Variants in EFS observed in about 807,000 individuals in gnomAD.
EFS encodes the protein Cas scaffolding protein family member 3.
In EFS, 34 loss-of-function variants were observed where a neutral mutation model predicts 42.2. That is an observed-to-expected ratio of 0.81 (90% CI 0.61 to 1.07). The LOEUF (loss-of-function observed/expected upper bound fraction) is 1.07, where lower values mean the gene tolerates loss of function less well. Ranked by LOEUF, EFS falls within the 50% of genes least tolerant of loss-of-function variation. The probability of loss-of-function intolerance (pLI) is 0.00; values close to 1 mark genes in which losing one functional copy is unlikely to be tolerated. For synonymous variants in EFS, 299 were observed against 320.7 expected, an observed-to-expected ratio of 0.93 and a Z score of 0.72; for missense variants, 717 against 729.4, an observed-to-expected ratio of 0.98 and a Z score of 0.20.
chr14:23,365,046 C>T lies in EFS; in HGVS notation c.-21G>A. On this transcript the variant is annotated 5_prime_UTR_variant, in exon 1 of 6. Coordinates refer to ENST00000216733, the MANE Select transcript of EFS (RefSeq NM_005864.4). This position sits in a 1 kb window ranked among gnomAD's most constrained non-coding sequence, Gnocchi z 5.3. The stretch of plus-strand genomic sequence containing the variant: ...GCCATGGCTTTGGCCTCCCGCGCAG[C>T]CTGCCTCAGGCCAGGCTCGGTTTTG... The T allele has an allele frequency of 7.6e-7, 1 of 1,319,432 alleles. No individual in the cohort carries two copies. Among genetic ancestry groups the T allele is most frequent in the Non-Finnish European group, 9.8e-7 (1 of 1,024,334 alleles). 81.7% of individuals were successfully genotyped at this position (1,319,432 alleles called of 1,614,324 possible).
At chr14:23,364,217 T>C (rs1890246950) in intron 1 of EFS, among the ~76,000 whole-genome samples, 1 of 152,198 alleles carries the variant, frequency 6.6e-6, no homozygotes, top group African/African-American at 2.4e-5. Flanking sequence ...CTCCCGGTGT[T>C]AGGACTGAGT....
At chr14:23,363,070 C>T (rs1449786337) in intron 1 of EFS, among the ~76,000 whole-genome samples, 4 of 152,090 alleles carry the variant, frequency 2.6e-5, no homozygotes, top group Admixed American at 1.3e-4. Context: ...CCCACCACCA[C>T]GCCCGGCTAA....
chr14:23,359,671 AG>A lies in EFS; in HGVS notation c.806del (p.Pro269LeufsTer118). ...GPEAPPSPEPPGALASHDQDT... is the reference protein window; with the variant it reads ...GPEAPPSPEPXGALASHDQDT... ...CCTGGTCATGGGAGGCCAAGGCTCC[AG>A]GGGGCTCTGGAGAAGGGGGAGCCTC... On this transcript the variant is annotated frameshift_variant, in exon 4 of 6. Coordinates refer to ENST00000216733, the MANE Select transcript of EFS (RefSeq NM_005864.4). LOFTEE classifies it high-confidence loss of function. The A allele has an allele frequency of 6.6e-7, 1 of 1,510,666 alleles. No individual in the cohort carries two copies. 93.6% of individuals were successfully genotyped at this position (1,510,666 alleles called of 1,614,324 possible).
chr14:23,361,073 C>T (rs1053266667), intron 1 of EFS, among the ~76,000 whole-genome samples: 9 of 152,224 alleles, frequency 5.9e-5, no homozygotes, highest in Admixed American at 2.0e-4. Flanking sequence ...TTACTCTTCT[C>T]CCCGCCCCAT....
intron 2 of EFS, 65 bp from the exon 3 acceptor site, chr14:23,360,346 G>C (rs985736802): frequency 6.5e-7 from 1 of 1,550,382 alleles, no homozygotes; most frequent in Non-Finnish European, 8.7e-7. Flanking sequence ...TAATGTCTGA[G>C]TGCGAGGAGC....
At position 23,360,175 on chromosome 14, in the gene EFS, C is replaced by T. The variant is rs2138538013; in HGVS notation, c.404G>A (p.Gly135Glu). The T allele has an allele frequency of 6.2e-7, 1 of 1,614,122 alleles. No individual in the cohort carries two copies. Among genetic ancestry groups the T allele is most frequent in the South Asian group, 1.1e-5 (1 of 91,078 alleles). Residue 135 changes from glycine to glutamate, a missense_variant, in exon 3 of 6, where the codon GGG (glycine) becomes GAG (glutamate). Physicochemically the swap from Gly to Glu is moderately conservative, Grantham distance 98. Transcript: ENST00000216733. ...ATCTCTGGGAGCAGCCAGCTGGGTC[C>T]CACTAGCTCTGGGGATTTTGTAGAT... ...DLIYKIPRAS[G>E]TQLAAPRDAL...
At chr14:23,358,994 G>C (rs747846611) in intron 4 of EFS, 29 bp from the exon 5 acceptor site, 24 of 1,579,784 alleles carry the variant, frequency 1.5e-5, no homozygotes, top group Non-Finnish European at 1.8e-5. Context: ...TCTCAGTGTC[G>C]GGGTGGGGGA....
rs765237285 is a variant in EFS, at chr14:23,360,040, C to G, written c.439-1G>C. On this transcript the variant is annotated splice_acceptor_variant, in intron 3 of 5. Transcript: ENST00000216733. LOFTEE classifies it high-confidence loss of function. ...GGGCGGTGGGGGGCACATCGTAGAC[C>G]TGCGGAAAGGAGTGGTCAGTCATCT... 1 of 1,613,262 alleles carries G rather than the reference C, an allele frequency of 6.2e-7. No homozygotes were observed. The highest frequency in any genetic ancestry group is 8.5e-7 in the Non-Finnish European group (1 of 1,179,744).
At chr14:23,362,611 C>T (rs1040888130) in intron 1 of EFS, among the ~76,000 whole-genome samples, 5 of 152,226 alleles carry the variant, frequency 3.3e-5, no homozygotes, top group Middle Eastern at 3.2e-3. Flanking sequence ...CACAAATTCC[C>T]GGTTAGTGCT....
chr14:23,360,833 T>C lies in EFS; in HGVS notation c.19A>G (p.Thr7Ala), dbSNP rs2231798. 0.33 allele frequency: 529,595 copies of C among 1,605,658 alleles called. 97,830 individuals carry two copies. Among genetic ancestry groups the C allele is most frequent in the African/African-American group, 0.8 (59,916 of 74,552 alleles). Residue 7 changes from threonine (T) to alanine (A), a missense_variant and splice_region_variant, in exon 2 of 6, where the codon ACC (threonine) becomes GCC (alanine). Transcript: ENST00000216733. ...TCATACAGTGCCCGGGCCAGCTGGG[T>C]CTGGTTGGGGAGGTGGGAGTGGGGA... Reference protein sequence around the residue: MAIATSTQLARALYDNT... With the variant: MAIATSAQLARALYDNT...
chr14:23,362,612 G>A (rs1405158425), intron 1 of EFS, among the ~76,000 whole-genome samples: 4 of 152,160 alleles, frequency 2.6e-5, no homozygotes, highest in East Asian at 1.9e-4. Context: ...ACAAATTCCC[G>A]GTTAGTGCTG....
At chr14:23,360,528 TG>T in intron 2 of EFS, 26 bp downstream of exon 2, 1 of 1,520,786 alleles carries the variant, frequency 6.6e-7, no homozygotes, top group Non-Finnish European at 8.8e-7. Flanking sequence ...TCTTCTGGCT[TG>T]GGGTTGGGGA....
chr14:23,356,718 C>G lies in EFS; in HGVS notation c.*508G>C, dbSNP rs1040255783. The stretch of plus-strand genomic sequence containing the variant: ...CCCATGTCTGAGCCCCAGCTCTCTC[C>G]GCCTTCTGTGGGGAGAAGCCCTCCG... On this transcript the variant is annotated 3_prime_UTR_variant, in exon 6 of 6. Transcript: ENST00000216733. 1.3e-5 allele frequency: 2 copies of G among 152,320 alleles called. No homozygotes were observed. The highest frequency in any genetic ancestry group is 4.8e-5 in the African/African-American group (2 of 41,458). The allele number at this position is 152,320 out of a possible 1,614,324, so 9.4% of individuals were successfully genotyped here.
At position 23,358,865 on chromosome 14, in the gene EFS, G is replaced by A. The variant is rs2231808; in HGVS notation, c.1251+11C>T. ...TGTCCCCTTCTCTAGCACCATTCCCGCCAGGGTCACCTGCGGCGCCGGCAT... is the reference window on the plus strand; with the variant it reads ...TGTCCCCTTCTCTAGCACCATTCCCACCAGGGTCACCTGCGGCGCCGGCAT... On this transcript the variant is annotated intron_variant, in intron 5 of 5. Coordinates refer to ENST00000216733, the MANE Select transcript of EFS (RefSeq NM_005864.4). 224 of 1,603,476 alleles carry A rather than the reference G, an allele frequency of 1.4e-4. 1 individual carries two copies. The African/African-American group carries it at 2.5e-3, about 18-fold the overall frequency.
chr14:23,358,976 G>A lies in EFS; in HGVS notation c.1162-11C>T, dbSNP rs570477001. The A allele has an allele frequency of 4.2e-5, 68 of 1,601,612 alleles. 1 individual carries two copies. In the South Asian group the frequency reaches 7.4e-4, roughly 17 times the overall value. On this transcript the variant is annotated splice_polypyrimidine_tract_variant and intron_variant, in intron 4 of 5. Transcript: ENST00000216733. ...AGCTTTGTCCATGCCCTGCAGGAGG[G>A]GATCAGGTCTCAGTGTCGGGGTGGG...
chr14:23,365,068 T>G lies in EFS; in HGVS notation c.-43A>C. 1 of 1,282,586 alleles carries G rather than the reference T, an allele frequency of 7.8e-7. No homozygotes were observed. 79.5% of individuals were successfully genotyped at this position (1,282,586 alleles called of 1,614,324 possible). A position where few individuals can be genotyped will look rare whatever the true frequency, so the allele number is the denominator to read the frequency against. Reference sequence around the variant, plus strand: ...CAGCCTGCCTCAGGCCAGGCTCGGTTTTGCTGACTTCAGCGGTGGCTGCCC... The same window carrying G: ...CAGCCTGCCTCAGGCCAGGCTCGGTGTTGCTGACTTCAGCGGTGGCTGCCC... On this transcript the variant is annotated 5_prime_UTR_variant, in exon 1 of 6. Coordinates refer to ENST00000216733, the MANE Select transcript of EFS (RefSeq NM_005864.4). This position sits in a 1 kb window ranked among gnomAD's most constrained non-coding sequence, Gnocchi z 5.3.
chr14:23,362,936 C>T (rs1271838451), intron 1 of EFS, among the ~76,000 whole-genome samples: 76 of 143,484 alleles, frequency 5.3e-4, no homozygotes, highest in East Asian at 2.0e-4. Context: ...TTTTTTGAGA[C>T]GGAGTTTTGC....
rs2138534863 is a variant in EFS, at chr14:23,359,336, T to C, written c.1142A>G (p.Tyr381Cys). The change falls in exon 4 of 6, where the codon TAT becomes TGT. Residue 381 changes from tyrosine to cysteine, a missense_variant. Transcript: ENST00000216733. ...GCTCACCTTCAGGTGGACATAGTCA[T>C]ACTCCTCGGCCATCGGAATGCCCTC... ...EYEGIPMAEE[Y>C]DYVHLKGMDK... 2 of 1,613,172 alleles carry C rather than the reference T, an allele frequency of 1.2e-6. No individual in the cohort carries two copies. The highest frequency in any genetic ancestry group is 1.7e-6 in the Non-Finnish European group (2 of 1,179,992).
In EFS at chr14:23,357,031, C is replaced by T; in HGVS notation, c.*195G>A. On this transcript the variant is annotated 3_prime_UTR_variant, in exon 6 of 6. Coordinates refer to ENST00000216733, the MANE Select transcript of EFS (RefSeq NM_005864.4). ...TAATATTAAATATAAATAATTTACACAAAATGGCTTGTACAAAAAGCTGTA... is the reference window on the plus strand; with the variant it reads ...TAATATTAAATATAAATAATTTACATAAAATGGCTTGTACAAAAAGCTGTA... 2.3e-6 allele frequency: 1 copy of T among 432,224 alleles called. No homozygotes were observed. The highest frequency in any genetic ancestry group is 4.0e-6 in the Non-Finnish European group (1 of 248,472). The allele number at this position is 432,224 out of a possible 1,614,324, so 26.8% of individuals were successfully genotyped here.
Sources: allele counts gnomAD v4.1 joint callset (sites outside exome capture counted in the v4.1 genomes callset), GRCh38; gene constraint gnomAD v4.1.1; non-coding constraint Gnocchi (gnomAD v3.1); transcripts MANE v1.5; gene names NCBI Gene and HGNC (gene_info 2026-07-23, HGNC 2026-07-21).